SLC2A6: variants seen among roughly 807,000 people sequenced by gnomAD.
The protein encoded by SLC2A6 is solute carrier family 2 member 6.
Under a neutral mutation model 47.8 loss-of-function variants are expected in SLC2A6, and 39 were observed. That is an observed-to-expected ratio of 0.82 (90% CI 0.63 to 1.07). SLC2A6 has a LOEUF of 1.07. Ranked by LOEUF, SLC2A6 falls within the 50% of genes least tolerant of loss-of-function variation. SLC2A6 has a pLI of 0.00. For missense variants in SLC2A6, 650 were observed against 707.6 expected, an observed-to-expected ratio of 0.92 and a Z score of 0.92; for synonymous variants, 346 against 324.1, an observed-to-expected ratio of 1.07 and a Z score of -0.73.
chr9:133,478,745 T>C (rs1386442150), intron 1 of SLC2A6: 1 of 590,480 alleles, frequency 1.7e-6, no homozygotes, highest in East Asian at 2.9e-5. Flanking sequence ...TCTCACTGTC[T>C]GTGGCAGTGG....
chr9:133,471,878 C>T lies in SLC2A6; in HGVS notation c.*143G>A. 2.0e-6 allele frequency: 2 copies of T among 985,250 alleles called. No individual in the cohort carries two copies. Among genetic ancestry groups the T allele is most frequent in the Non-Finnish European group, 2.9e-6 (2 of 679,764 alleles). The allele number at this position is 985,250 out of a possible 1,614,324, so 61.0% of individuals were successfully genotyped here. On this transcript the variant is annotated 3_prime_UTR_variant, in exon 10 of 10. Transcript: ENST00000371899. ...TGTCCCGAGCCAGGGGCACCCGCTG[C>T]TGAGGCCCCATCACACTGCTCTTCC...
Position 133,474,040 on chromosome 9 carries a change from C to T in SLC2A6, c.976G>A (p.Val326Met), listed in dbSNP as rs975563905. The change falls in exon 7 of 10, where the codon GTG (valine) becomes ATG (methionine). Residue 326 changes from valine (V) to methionine (M), a missense_variant. Transcript: ENST00000371899. Reference sequence around the variant, plus strand: ...TCCATGGTGAGGGCGGCGATCAGCACGGACAGGAGCCGCACGGCCCCAACG... The same window carrying T: ...TCCATGGTGAGGGCGGCGATCAGCATGGACAGGAGCCGCACGGCCCCAACG... ...AIVGAVRLLSVLIAALTMDLA... is the reference protein window; with the variant it reads ...AIVGAVRLLSMLIAALTMDLA... 1.6e-5 allele frequency: 26 copies of T among 1,610,674 alleles called. No individual in the cohort carries two copies. Among genetic ancestry groups the T allele is most frequent in the Non-Finnish European group, 2.0e-5 (24 of 1,179,032 alleles).
rs114753083 is a variant in SLC2A6 at position 133,476,239 on chromosome 9, A to G, written c.560T>C (p.Leu187Pro). ...AVFGSLSLYA[L>P]GLLLPWRWLA... ...CAGGAGTGCGGGGCCATACTTGCCA[A>G]GGGCGTAGAGGGACAGGGATCCGAA... is the stretch of plus-strand genomic sequence containing the variant. Residue 187 changes from leucine (L) to proline (P), a missense_variant and splice_region_variant, in exon 4 of 10, where the codon CTT becomes CCT. Physicochemically the swap from Leu to Pro is moderately conservative, Grantham distance 98. Coordinates refer to ENST00000371899, the MANE Select transcript of SLC2A6 (RefSeq NM_017585.4). 6.2e-7 allele frequency: 1 copy of G among 1,611,280 alleles called. No homozygotes were observed. Among genetic ancestry groups the G allele is most frequent in the Non-Finnish European group, 8.5e-7 (1 of 1,178,634 alleles).
chr9:133,478,923 C>A (rs1554804104), intron 1 of SLC2A6, 45 bp downstream of exon 1: 1 of 1,499,800 alleles, frequency 6.7e-7, no homozygotes, highest in East Asian at 2.6e-5. Flanking sequence ...GGAACCAGGG[C>A]CACCCCCAGG....
In SLC2A6 at chr9:133,477,080, C is replaced by T. The variant is rs915956279; in HGVS notation, c.417G>A (p.Arg139=). Residue 139 remains arginine, a synonymous_variant, in exon 3 of 10, where the codon AGG becomes AGA. Coordinates refer to ENST00000371899, the MANE Select transcript of SLC2A6 (RefSeq NM_017585.4). The stretch of plus-strand genomic sequence containing the variant: ...GCCCCCCGGCGAAGCCCGTCAGCGT[C>T]CTTCCGAGCAGCAGCATCCAGAGGC... ...AHGLWMLLLG[R]TLTGFAGGLT... 10 of 1,546,192 alleles carry T rather than the reference C, an allele frequency of 6.5e-6. No homozygotes were observed. In the African/African-American group the frequency reaches 1.2e-4, roughly 19 times the overall value.
At chr9:133,478,918 C>A in intron 1 of SLC2A6, 50 bp downstream of exon 1, 1 of 1,489,706 alleles carries the variant, frequency 6.7e-7, no homozygotes, top group Non-Finnish European at 9.0e-7. Context: ...TGGAGGGAAC[C>A]AGGGCCACCC....
In SLC2A6 at chr9:133,475,029, G is replaced by A; in HGVS notation, c.859C>T (p.Gln287Ter). The change falls in exon 6 of 10, where the codon CAG (glutamine) becomes TAG (stop). Residue 287 changes from glutamine (Q) to a stop codon, truncating the protein, a stop_gained. Transcript: ENST00000371899. LOFTEE classifies it high-confidence loss of function. ...TVALLMRLLQQLTGITPILVY... is the reference protein window; with the variant it reads ...TVALLMRLLQ ...AGGATGGGCGTGATGCCCGTCAGCT[G>A]CTGCAGGAGGCGCATCAGCAAGGCC... is the stretch of plus-strand genomic sequence containing the variant. 6.3e-7 allele frequency: 1 copy of A among 1,597,426 alleles called. No homozygotes were observed. Among genetic ancestry groups the A allele is most frequent in the Non-Finnish European group, 8.5e-7 (1 of 1,173,630 alleles).
rs782052968 is a variant in SLC2A6 at position 133,476,312 on chromosome 9, G to T, written c.487C>A (p.Pro163Thr). 6.2e-7 allele frequency: 1 copy of T among 1,613,040 alleles called. No homozygotes were observed. Among genetic ancestry groups the T allele is most frequent in the Non-Finnish European group, 8.5e-7 (1 of 1,179,980 alleles). Residue 163 changes from proline to threonine, a missense_variant, in exon 4 of 10, where the codon CCA becomes ACA. Transcript: ENST00000371899. Reference protein sequence around the residue: ...IPVYVSEIAPPGVRGALGATP... With the variant: ...IPVYVSEIAPTGVRGALGATP... ...GCCCCCAGAGCCCCACGAACGCCTGGGGGAGCAATCTCAGACACGTACACC... is the reference window on the plus strand; with the variant it reads ...GCCCCCAGAGCCCCACGAACGCCTGTGGGAGCAATCTCAGACACGTACACC...
rs782665380 is a variant in SLC2A6, at chr9:133,473,999, C to T, written c.1017G>A (p.Lys339=). The change falls in exon 7 of 10, where the codon AAG becomes AAA. Residue 339 remains lysine (K), a synonymous_variant. Coordinates refer to ENST00000371899, the MANE Select transcript of SLC2A6 (RefSeq NM_017585.4). ...AALTMDLAGR[K]VLLFVSAAIM... is the part of the protein sequence containing the mutation. Reference sequence around the variant, plus strand: ...GCTTACCTGAGACGAAGAGCAGCACCTTGCGGCCTGCGAGGTCCATGGTGA... The same window carrying T: ...GCTTACCTGAGACGAAGAGCAGCACTTTGCGGCCTGCGAGGTCCATGGTGA... The T allele has an allele frequency of 5.2e-5, 83 of 1,609,934 alleles. No individual in the cohort carries two copies. The highest frequency in any genetic ancestry group is 1.0e-4 in the Admixed American group (6 of 59,854).
rs1438780152 is a variant in SLC2A6, at chr9:133,473,243, G to A, written c.1230C>T (p.Ala410=). The A allele has an allele frequency of 8.2e-6, 13 of 1,576,820 alleles. No individual in the cohort carries two copies. The highest frequency in any genetic ancestry group is 1.1e-5 in the Non-Finnish European group (13 of 1,162,340). The change falls in exon 9 of 10, where the codon GCC becomes GCT. Residue 410 remains alanine (A), a synonymous_variant. Transcript: ENST00000371899. ...LATMLFIMGY[A]VGWGPITWLL... ...GCCAGGTGATGGGACCCCAGCCCAC[G>A]GCGTAGCCTGCTCGGAGGAGGAGGC...
intron 2 of SLC2A6, among the ~76,000 whole-genome samples, chr9:133,477,708 G>A (rs183622578): frequency 0.013 from 1,888 of 150,940 alleles, 19 homozygotes; most frequent in Non-Finnish European, 0.019. Context: ...ACCTCGTGGC[G>A]TTGGCCCTGA....
chr9:133,474,159 T>C, intron 6 of SLC2A6, 71 bp from the exon 7 acceptor site: 1 of 1,308,908 alleles, frequency 7.6e-7, no homozygotes, highest in Non-Finnish European at 1.1e-6. Flanking sequence ...ACCCAGCTTG[T>C]CCCGGCAGGC....
At position 133,479,020 on chromosome 9, in the gene SLC2A6, C is replaced by G. The variant is rs201285256; in HGVS notation, c.40G>C (p.Asp14His). 827 of 1,599,400 alleles carry G rather than the reference C, an allele frequency of 5.2e-4. 2 individuals carry two copies. Among genetic ancestry groups the G allele is most frequent in the Admixed American group, 3.9e-4 (23 of 59,496 alleles). Reference sequence around the variant, plus strand: ...GGGGGCGGCTTCTCGGGGAAGGTGTCGTAGTCCGGGCCCTCGGCTCCCAGC... The same window carrying G: ...GGGGGCGGCTTCTCGGGGAAGGTGTGGTAGTCCGGGCCCTCGGCTCCCAGC... ...PLLGAEGPDY[D>H]TFPEKPPPSP... The change falls in exon 1 of 10, where the codon GAC becomes CAC. Residue 14 changes from aspartate to histidine, a missense_variant. Physicochemically the swap from Asp to His is moderately conservative, Grantham distance 81. Transcript: ENST00000371899.
At position 133,477,029 on chromosome 9, in the gene SLC2A6, C is replaced by T. The variant is rs1843979916; in HGVS notation, c.462+6G>A. The T allele has an allele frequency of 2.6e-6, 4 of 1,547,532 alleles. No individual in the cohort carries two copies. The highest frequency in any genetic ancestry group is 3.5e-6 in the Non-Finnish European group (4 of 1,146,526). ...GGGGCGCCTGGGTGGGAAGGCCTGG[C>T]CTTACCGGGATGCAGGCAGCTGTGA... On this transcript the variant is annotated splice_donor_region_variant and intron_variant, in intron 3 of 9. Transcript: ENST00000371899.
intron 6 of SLC2A6, 25 bp from the exon 7 acceptor site, chr9:133,474,113 T>G: frequency 1.3e-6 from 2 of 1,548,686 alleles, no homozygotes; most frequent in South Asian, 2.4e-5. Context: ...CCACCAGGGC[T>G]GAGGGACCTG....
In SLC2A6 at chr9:133,475,012, C is replaced by T. The variant is rs116841712; in HGVS notation, c.876G>A (p.Thr292=). The T allele has an allele frequency of 7.4e-4, 1,172 of 1,594,448 alleles. 21 individuals carry two copies. The East Asian group carries it at 0.019, about 26-fold the overall frequency. ...TGGACTGCAGGTAGACCAGGATGGGCGTGATGCCCGTCAGCTGCTGCAGGA... is the reference window on the plus strand; with the variant it reads ...TGGACTGCAGGTAGACCAGGATGGGTGTGATGCCCGTCAGCTGCTGCAGGA... The part of the protein sequence containing the change: ...MRLLQQLTGI[T]PILVYLQSIF... The change falls in exon 6 of 10, where the codon ACG becomes ACA. Residue 292 remains threonine (T), a synonymous_variant. Transcript: ENST00000371899.
Position 133,477,253 on chromosome 9 carries a change from G to A in SLC2A6, c.256-12C>T. 1 of 1,550,004 alleles carries A rather than the reference G, an allele frequency of 6.5e-7. No individual in the cohort carries two copies. The highest frequency in any genetic ancestry group is 8.7e-7 in the Non-Finnish European group (1 of 1,146,798). On this transcript the variant is annotated splice_polypyrimidine_tract_variant and intron_variant, in intron 2 of 9. Transcript: ENST00000371899. ...AGGGTGAACACGGACTGCAGGGGAA[G>A]GGGGTGCAGGGCAGATATGTCTGGG...
rs587772371 is a variant in SLC2A6, at chr9:133,476,113, A to G, written c.562+124T>C. ...GCTGACTGAGTGGGGCCGGGATGCCAGATCTCTTGCCTCTCAGCCCAGGAT... is the reference window on the plus strand; with the variant it reads ...GCTGACTGAGTGGGGCCGGGATGCCGGATCTCTTGCCTCTCAGCCCAGGAT... On this transcript the variant is annotated intron_variant, in intron 4 of 9. Coordinates refer to ENST00000371899, the MANE Select transcript of SLC2A6 (RefSeq NM_017585.4). 15 of 763,312 alleles carry G rather than the reference A, an allele frequency of 2.0e-5. No homozygotes were observed. The African/African-American group carries it at 2.3e-4, about 12-fold the overall frequency. 47.3% of individuals were successfully genotyped at this position (763,312 alleles called of 1,614,324 possible).
rs1177007049 is a variant in SLC2A6, at chr9:133,473,429, A to G, written c.1208T>C (p.Met403Thr). 2 of 1,602,576 alleles carry G rather than the reference A, an allele frequency of 1.2e-6. No individual in the cohort carries two copies. The highest frequency in any genetic ancestry group is 1.7e-6 in the Non-Finnish European group (2 of 1,175,492). ...YLTLVPLLAT[M>T]LFIMGYAVGW... ...ACCACACCTACCCATGATGAAGAGC[A>G]TGGTGGCCAGCAGGGGCACCAGGGT... Residue 403 changes from methionine to threonine, a missense_variant, in exon 8 of 10, where the codon ATG becomes ACG. Coordinates refer to ENST00000371899, the MANE Select transcript of SLC2A6 (RefSeq NM_017585.4).
Sources: gnomAD v4.1 joint callset for allele counts (sites outside exome capture counted in the v4.1 genomes callset) on GRCh38, gnomAD v4.1.1 for gene constraint, MANE v1.5 for transcripts, NCBI Gene and HGNC (gene_info 2026-07-23, HGNC 2026-07-21) for gene names.